The following MYH14 variants were observed in gnomAD, a reference collection of about 807,000 sequenced individuals.
MYH14 encodes myosin-14.
MYH14 carries 123 observed loss-of-function variants against 255.5 expected under a neutral mutation model. The observed-to-expected ratio is 0.48, with a 90% CI of 0.42 to 0.56. MYH14 has a LOEUF of 0.56. Among genes scored for constraint, MYH14 ranks in the 20% least tolerant of loss-of-function variants. MYH14 has a pLI of 0.00. For missense variants in MYH14, 2,423 were observed against 2,802.3 expected (o/e 0.86, Z 3.06); for synonymous variants, 1,095 against 1,161.2 (o/e 0.94, Z 1.16).
chr19:50,303,143 G>A (rs1239251882), intron 40 of MYH14, among the ~76,000 whole-genome samples: 2 of 152,116 alleles, frequency 1.3e-5, no homozygotes, highest in African/African-American at 4.8e-5. Context: ...TGAGTCTTTG[G>A]CTAGTAAGTT....
chr19:50,309,090 G>C lies in MYH14; in HGVS notation c.5873G>C (p.Arg1958Pro). The C allele has an allele frequency of 6.2e-7, 1 of 1,613,914 alleles. No individual in the cohort carries two copies. Among genetic ancestry groups the C allele is most frequent in the Non-Finnish European group, 8.5e-7 (1 of 1,179,816 alleles). The part of the protein sequence containing the change: ...EEEASRAQAG[R>P]RRLQRELEDV... ...GAGGCATCCCGGGCTCAGGCCGGCC[G>C]CCGGAGGCTGCAGCGTGAGCTGGAA... Residue 1958 changes from arginine (R) to proline (P), a missense_variant, in exon 42 of 43, where the codon CGC becomes CCC. Coordinates refer to ENST00000642316, the MANE Select transcript of MYH14 (RefSeq NM_001145809.2).
chr19:50,297,754 C>G (rs1380370910), intron 39 of MYH14, among the ~76,000 whole-genome samples: 1 of 152,000 alleles, frequency 6.6e-6, no homozygotes, highest in Non-Finnish European at 1.5e-5. Context: ...CTGCCTCAGC[C>G]TCCCAAATTG....
intron 40 of MYH14, among the ~76,000 whole-genome samples, chr19:50,304,379 C>G (rs1846036062): frequency 1.3e-5 from 2 of 152,172 alleles, no homozygotes; most frequent in African/African-American, 4.8e-5. Flanking sequence ...CACTTGAGAT[C>G]AGGAATTCAA....
At position 50,293,387 on chromosome 19, in the gene MYH14, G is replaced by T; in HGVS notation, c.5345+66G>T. On this transcript the variant is annotated intron_variant, in intron 38 of 42. Transcript: ENST00000642316. This position sits in a 1 kb window ranked among gnomAD's most constrained non-coding sequence, Gnocchi z 4.1. Reference sequence around the variant, plus strand: ...GCAGGAGGTGAAGCTGGGGTAGGCTGGAGGTGGCTGGGCTCTGGGACAGGA... The same window carrying T: ...GCAGGAGGTGAAGCTGGGGTAGGCTTGAGGTGGCTGGGCTCTGGGACAGGA... 1 of 1,524,360 alleles carries T rather than the reference G, an allele frequency of 6.6e-7. No individual in the cohort carries two copies. Among genetic ancestry groups the T allele is most frequent in the Non-Finnish European group, 8.9e-7 (1 of 1,118,460 alleles). The allele number at this position is 1,524,360 out of a possible 1,614,324, so 94.4% of individuals were successfully genotyped here.
intron 1 of MYH14, 54 bp from the exon 2 acceptor site, chr19:50,210,309 G>A: frequency 1.4e-6 from 2 of 1,473,090 alleles, no homozygotes; most frequent in Non-Finnish European, 1.8e-6. Context: ...AGGGAAGGGA[G>A]GCCCGGGGGA....
intron 15 of MYH14, among the ~76,000 whole-genome samples, chr19:50,251,506 TATATATATACACACTAC>T (rs2034380113): frequency 2.4e-5 from 3 of 125,562 alleles, no homozygotes; most frequent in South Asian, 3.0e-4. Flanking sequence ...TATACACACA[TATATATATACACACTAC>T]ACACACACAC....
In MYH14 at chr19:50,230,627, A is replaced by C; in HGVS notation, c.973+4A>C. The C allele has an allele frequency of 6.4e-7, 1 of 1,557,634 alleles. No individual in the cohort carries two copies. The highest frequency in any genetic ancestry group is 8.7e-7 in the Non-Finnish European group (1 of 1,150,818). ...GGCGCTGGAGAGCAGCTCAAAGGTC[A>C]GTGCCGCCCCGTCCTACCCTGCTCA... is the stretch of plus-strand genomic sequence containing the variant. On this transcript the variant is annotated splice_donor_region_variant and intron_variant, in intron 9 of 42. Coordinates refer to ENST00000642316, the MANE Select transcript of MYH14 (RefSeq NM_001145809.2). The surrounding 1 kb of genome is among the most constrained non-coding windows in gnomAD (Gnocchi z 4.7).
rs76561562 is a variant in MYH14, at chr19:50,226,778, G to A, written c.811-125G>A. On this transcript the variant is annotated intron_variant, in intron 7 of 42. Transcript: ENST00000642316. ...ACCACAGGATGGGGTTCAGGTAGAG[G>A]GAGCAAGGAAGTGGGGGGGCAGCCG... 8,631 of 845,786 alleles carry A rather than the reference G, an allele frequency of 0.01. 83 individuals are homozygous for A. The highest frequency in any genetic ancestry group is 0.037 in the African/African-American group (2,198 of 60,104). 52.4% of individuals were successfully genotyped at this position (845,786 alleles called of 1,614,324 possible).
intron 5 of MYH14, among the ~76,000 whole-genome samples, chr19:50,223,925 T>C (rs1359248480): frequency 4.6e-5 from 7 of 152,212 alleles, no homozygotes; most frequent in African/African-American, 1.7e-4. Flanking sequence ...CTGGGTAATA[T>C]AGTGGGACCC....
chr19:50,233,250 A>C (rs1399794105), intron 10 of MYH14, among the ~76,000 whole-genome samples: 1 of 151,750 alleles, frequency 6.6e-6, no homozygotes, highest in Non-Finnish European at 1.5e-5. Context: ...GCCCACTGCA[A>C]CCTCTGCCTC....
At chr19:50,271,385 ACTC>A (rs764619084) in intron 24 of MYH14, 21 bp from the exon 25 acceptor site, 63 of 1,589,012 alleles carry the variant, frequency 4.0e-5, no homozygotes, top group Middle Eastern at 2.0e-4. Context: ...CAGTATCCTC[ACTC>A]CTCCTGCCTT....
chr19:50,309,244 C>T lies in MYH14; in HGVS notation c.5960+67C>T, dbSNP rs574429291. The stretch of plus-strand genomic sequence containing the variant: ...CCTAACTCCATAAACCCCAGGGACG[C>T]GAGGCCGTGCCAGGGGCAACAACAG... On this transcript the variant is annotated intron_variant, in intron 42 of 42. Coordinates refer to ENST00000642316, the MANE Select transcript of MYH14 (RefSeq NM_001145809.2). 324 of 1,482,732 alleles carry T rather than the reference C, an allele frequency of 2.2e-4. 1 individual carries two copies. The East Asian group carries it at 6.4e-3, about 29-fold the overall frequency. The allele number at this position is 1,482,732 out of a possible 1,614,324, so 91.8% of individuals were successfully genotyped here.
intron 3 of MYH14, among the ~76,000 whole-genome samples, chr19:50,219,043 A>ACT (rs200937636): frequency 2.7e-4 from 38 of 139,950 alleles, no homozygotes; most frequent in Admixed American, 5.6e-4. Context: ...TGGGATATAT[A>ACT]CTCTCTCTCT....
In MYH14 at chr19:50,255,268, C is replaced by T. The variant is rs373698416; in HGVS notation, c.1994C>T (p.Ser665Leu). 216 of 1,551,382 alleles carry T rather than the reference C, an allele frequency of 1.4e-4. 1 individual carries two copies. The Middle Eastern group carries it at 3.7e-3, about 26-fold the overall frequency. The change falls in exon 17 of 43, where the codon TCG becomes TTG. Residue 665 changes from serine (S) to leucine (L), a missense_variant. By Grantham distance (145) the Ser-to-Leu change is moderately radical (BLOSUM62 -2). Around this residue, in one of 3 missense-constraint regions of MYH14, gnomAD observed 672 missense variants for 881.8 expected, o/e 0.76. Transcript: ENST00000642316. ...QFSFLGSFPP[S>L]PPGSAERCSS... ...TCTTTCCTTGGCTCCTTCCCACCGT[C>T]GCCCCCAGGATCTGCAGAGAGGTGC... is the stretch of plus-strand genomic sequence containing the variant.
At position 50,264,862 on chromosome 19, in the gene MYH14, C is replaced by G. The variant is rs375405924; in HGVS notation, c.2694+1442C>G. 2.0e-5 allele frequency among the ~76,000 whole-genome samples: 3 copies of G among 152,262 alleles called. No homozygotes were observed. In the East Asian group the frequency reaches 5.8e-4, roughly 29 times the overall value. On this transcript the variant is annotated intron_variant, in intron 22 of 42. Coordinates refer to ENST00000642316, the MANE Select transcript of MYH14 (RefSeq NM_001145809.2). ...CAAAGCAGAGGGTGCCAAGCCAGGTCGCCATGCACCATGGAGCTCAGGGAC... is the reference window on the plus strand; with the variant it reads ...CAAAGCAGAGGGTGCCAAGCCAGGTGGCCATGCACCATGGAGCTCAGGGAC...
At chr19:50,283,222 C>A (rs979279200) in intron 33 of MYH14, among the ~76,000 whole-genome samples, 1 of 152,052 alleles carries the variant, frequency 6.6e-6, no homozygotes, top group Non-Finnish European at 1.5e-5. Context: ...CAGGTTCAAG[C>A]GATTCTCGTG....
Position 50,290,971 on chromosome 19 carries a change from C to G in MYH14, c.5050C>G (p.Leu1684Val). Residue 1684 changes from leucine to valine, a missense_variant, in exon 36 of 43, where the codon CTG becomes GTG. This residue lies in a region of MYH14 where 1,513 missense variants were observed against 1,674.8 expected (regional missense o/e 0.90). Transcript: ENST00000642316. Reference sequence around the variant, plus strand: ...TGCCCGCAAGAAGCTGGAGGGAGAGCTGGAGGAGCTGAAGGCTCAGATGGC... The same window carrying G: ...TGCCCGCAAGAAGCTGGAGGGAGAGGTGGAGGAGCTGAAGGCTCAGATGGC... ...VAARKKLEGE[L>V]EELKAQMASA... 6.2e-7 allele frequency: 1 copy of G among 1,607,518 alleles called. No homozygotes were observed. Among genetic ancestry groups the G allele is most frequent in the East Asian group, 2.2e-5 (1 of 44,734 alleles).
intron 17 of MYH14, among the ~76,000 whole-genome samples, chr19:50,256,680 A>G (rs986550699): frequency 6.6e-6 from 1 of 152,216 alleles, no homozygotes; most frequent in African/African-American, 2.4e-5. Context: ...TGCCAAGAAA[A>G]TAGAACCTCT....
At chr19:50,271,703 GAGGGAGGTGT>G in intron 25 of MYH14, 136 bp from the exon 26 acceptor site, 2 of 1,452,308 alleles carry the variant, frequency 1.4e-6, no homozygotes, top group Non-Finnish European at 1.9e-6. Context: ...ATGGGAAGGA[GAGGGAGGTGT>G]AGGGGGAGGA....
Sources: gnomAD v4.1 joint callset for allele counts (sites outside exome capture counted in the v4.1 genomes callset) on GRCh38, gnomAD v4.1.1 for gene constraint, gnomAD v4.1.1 regional missense constraint, Gnocchi (gnomAD v3.1) non-coding constraint, MANE v1.5 for transcripts, NCBI Gene and HGNC (gene_info 2026-07-23, HGNC 2026-07-21) for gene names.